Variants in PRKD1 observed in about 807,000 individuals in gnomAD.
PRKD1 encodes the protein protein kinase D1.
A neutral mutation model predicts 95.9 loss-of-function variants in PRKD1; 63 were observed. That is an observed-to-expected ratio of 0.66 (90% confidence interval 0.54 to 0.81). The LOEUF (loss-of-function observed/expected upper bound fraction) is 0.81. Among genes scored for constraint, PRKD1 ranks in the 30% least tolerant of loss-of-function variants. The pLI is 0.00. For missense variants in PRKD1, 1,048 were observed against 1,165.3 expected (o/e 0.90, Z 1.47); for synonymous variants, 425 against 423.1 (o/e 1.00, Z -0.05).
At chr14:29,869,784 C>A (rs1047339008) in intron 1 of PRKD1, among the ~76,000 whole-genome samples, 7 of 152,184 alleles carry the variant, frequency 4.6e-5, no homozygotes, top group Non-Finnish European at 8.8e-5. Flanking sequence ...TATTTCTACA[C>A]CATTTTTCTA....
chr14:29,900,062 G>A (rs1036897361), intron 1 of PRKD1, among the ~76,000 whole-genome samples: 5 of 152,260 alleles, frequency 3.3e-5, no homozygotes, highest in Non-Finnish European at 7.4e-5. Context: ...TGAGGCCTCC[G>A]CAGCCATGCA....
At chr14:29,919,757 G>A (rs1295055199) in intron 1 of PRKD1, among the ~76,000 whole-genome samples, 1 of 145,616 alleles carries the variant, frequency 6.9e-6, no homozygotes, top group Non-Finnish European at 1.5e-5. Flanking sequence ...CTTGAGCACA[G>A]GAGTTCAAGA....
chr14:29,768,053 T>C (rs985840158), intron 1 of PRKD1, among the ~76,000 whole-genome samples: 4 of 152,206 alleles, frequency 2.6e-5, no homozygotes, highest in Non-Finnish European at 5.9e-5. Context: ...ACCTAAATCA[T>C]TGATAAACTT....
intron 16 of PRKD1, among the ~76,000 whole-genome samples, chr14:29,589,940 A>C (rs986373702): frequency 6.6e-6 from 1 of 152,316 alleles, no homozygotes; most frequent in African/African-American, 2.4e-5. Flanking sequence ...TAAATAATAA[A>C]TGCAGTATCT....
At chr14:29,711,898 T>TATAA (rs983093687) in intron 2 of PRKD1, among the ~76,000 whole-genome samples, 1 of 152,170 alleles carries the variant, frequency 6.6e-6, no homozygotes, top group Admixed American at 6.6e-5. Context: ...TTCTCACAAA[T>TATAA]ATAAATTATG....
At chr14:29,891,671 C>T (rs376261251) in intron 1 of PRKD1, among the ~76,000 whole-genome samples, 301 of 144,700 alleles carry the variant, frequency 2.1e-3, no homozygotes, top group African/African-American at 7.1e-3. Flanking sequence ...TTTTTTTTTT[C>T]GTTTAAATCC....
intron 4 of PRKD1, among the ~76,000 whole-genome samples, chr14:29,655,289 A>G (rs1881767959): frequency 1.3e-5 from 2 of 152,194 alleles, no homozygotes; most frequent in Non-Finnish European, 2.9e-5. Context: ...ACACTTTTTG[A>G]GTAAGAATGA....
chr14:29,822,042 C>A (rs966234173), intron 1 of PRKD1, among the ~76,000 whole-genome samples: 14 of 152,252 alleles, frequency 9.2e-5, no homozygotes, highest in African/African-American at 3.1e-4. Context: ...GGTTTTACAA[C>A]TAACTCCATG....
Position 29,862,692 on chromosome 14 carries a change from C to T in PRKD1, c.264+64557G>A, listed in dbSNP as rs537090811. Among the ~76,000 whole-genome samples the T allele has an allele frequency of 5.3e-5, 8 of 152,162 alleles. 1 individual carries two copies. The South Asian group carries it at 1.7e-3, about 32-fold the overall frequency. On this transcript the variant is annotated intron_variant, in intron 1 of 17. Coordinates refer to ENST00000331968, the MANE Select transcript of PRKD1 (RefSeq NM_002742.3). ...CAAGAAATACCTATTCCAATCTTTC[C>T]CCATGTTTTAATCAGATAATTAGAT... is the stretch of plus-strand genomic sequence containing the variant.
intron 1 of PRKD1, among the ~76,000 whole-genome samples, chr14:29,821,118 C>T (rs530432001): frequency 6.6e-6 from 1 of 152,144 alleles, no homozygotes; most frequent in Non-Finnish European, 1.5e-5. Flanking sequence ...ATACATTGAA[C>T]TTCAGAATAG....
At chr14:29,851,744 C>G (rs1205880206) in intron 1 of PRKD1, among the ~76,000 whole-genome samples, 9 of 151,930 alleles carry the variant, frequency 5.9e-5, no homozygotes, top group Admixed American at 5.9e-4. Flanking sequence ...CTGTAAACCC[C>G]AAAATAAATC....
intron 1 of PRKD1, among the ~76,000 whole-genome samples, chr14:29,899,780 G>A (rs1756618494): frequency 6.6e-6 from 1 of 152,184 alleles, no homozygotes; most frequent in Non-Finnish European, 1.5e-5. Context: ...TATGTGCAAA[G>A]CACTATGATA....
intron 1 of PRKD1, among the ~76,000 whole-genome samples, chr14:29,818,011 C>T (rs755105647): frequency 3.3e-5 from 5 of 152,000 alleles, no homozygotes; most frequent in Admixed American, 6.6e-5. Flanking sequence ...GAGAGAAAAA[C>T]AAATTAAAGT....
intron 4 of PRKD1, chr14:29,656,607 A>G: frequency 7.9e-7 from 1 of 1,259,960 alleles, no homozygotes; most frequent in Non-Finnish European, 1.1e-6. Context: ...ATTACTCAAT[A>G]ATGTTTCATA....
At chr14:29,698,311 G>A (rs1884642192) in intron 2 of PRKD1, among the ~76,000 whole-genome samples, 1 of 152,046 alleles carries the variant, frequency 6.6e-6, no homozygotes, top group Non-Finnish European at 1.5e-5. Flanking sequence ...AATGAAGAGA[G>A]CAAAGTAACA....
chr14:29,759,066 G>T (rs1887846764), intron 1 of PRKD1, among the ~76,000 whole-genome samples: 1 of 152,138 alleles, frequency 6.6e-6, no homozygotes, highest in South Asian at 2.1e-4. Context: ...TGATCATTTT[G>T]GTCTTAACCA....
chr14:29,654,316 T>C (rs1392760950), intron 4 of PRKD1, among the ~76,000 whole-genome samples: 1 of 151,980 alleles, frequency 6.6e-6, no homozygotes, highest in Non-Finnish European at 1.5e-5. Context: ...GGATTACAGG[T>C]GCGTGCCACC....
At chr14:29,770,593 T>C (rs1361479691) in intron 1 of PRKD1, among the ~76,000 whole-genome samples, 1 of 152,190 alleles carries the variant, frequency 6.6e-6, no homozygotes, top group Non-Finnish European at 1.5e-5. Context: ...GCAAAAAATC[T>C]GGTTGAATTG....
chr14:29,757,917 A>T (rs1594489584), intron 1 of PRKD1, among the ~76,000 whole-genome samples: 1 of 152,124 alleles, frequency 6.6e-6, no homozygotes, highest in South Asian at 2.1e-4. Context: ...CAGAGACAGG[A>T]CATCCTTCAT....
Sources: allele counts gnomAD v4.1 joint callset (sites outside exome capture counted in the v4.1 genomes callset), GRCh38; gene constraint gnomAD v4.1.1; transcripts MANE v1.5; gene names NCBI Gene and HGNC (gene_info 2026-07-23, HGNC 2026-07-21).